BAALC: variants seen among roughly 807,000 people sequenced by gnomAD.
BAALC encodes the protein BAALC binder of MAP3K1 and KLF4, also known as brain and acute leukemia cytoplasmic protein.
Under a neutral mutation model 15.5 loss-of-function variants are expected in BAALC, and 9 were observed. The ratio of observed to expected loss-of-function variants is 0.58; its 90% CI spans 0.35 to 1.02. BAALC has a LOEUF of 1.02. BAALC is among the 50% of genes least tolerant of loss of function. The probability of loss-of-function intolerance (pLI) is 0.02; values close to 1 mark genes in which losing one functional copy is unlikely to be tolerated. For synonymous variants in BAALC, 80 were observed against 74.6 expected, an observed-to-expected ratio of 1.07 and a Z score of -0.37; for missense variants, 201 against 192.4, an observed-to-expected ratio of 1.04 and a Z score of -0.27.
Position 103,213,075 on chromosome 8 carries a change from A to G in BAALC, c.317A>G (p.Gln106Arg), listed in dbSNP as rs765066070. 14 of 1,613,834 alleles carry G rather than the reference A, an allele frequency of 8.7e-6. No individual in the cohort carries two copies. The highest frequency in any genetic ancestry group is 1.6e-4 in the Middle Eastern group (1 of 6,078). ...GPLTQKQNGL[Q>R]TTEAKRDAKR... ...CTGACCCAGAAACAGAATGGCCTTCAGACCACAGAGGTAGGGTTGCAGCCA... is the reference window on the plus strand; with the variant it reads ...CTGACCCAGAAACAGAATGGCCTTCGGACCACAGAGGTAGGGTTGCAGCCA... Residue 106 changes from glutamine to arginine, a missense_variant, in exon 2 of 3, where the codon CAG becomes CGG. Gln to Arg is a conservative substitution (Grantham distance 43, BLOSUM62 1). Transcript: ENST00000309982.
At chr8:103,160,678 T>C (rs1438440277) in intron 1 of BAALC, among the ~76,000 whole-genome samples, 1 of 152,132 alleles carries the variant, frequency 6.6e-6, no homozygotes, top group African/African-American at 2.4e-5. Flanking sequence ...ACTTACATGA[T>C]CACAAGGTCC....
chr8:103,207,928 A>G (rs1171742050), intron 1 of BAALC, among the ~76,000 whole-genome samples: 2 of 152,254 alleles, frequency 1.3e-5, no homozygotes, highest in Non-Finnish European at 2.9e-5. Flanking sequence ...TTACAGATAG[A>G]AGTAACAGAA....
chr8:103,161,921 T>C (rs1811233519), intron 1 of BAALC, among the ~76,000 whole-genome samples: 1 of 151,720 alleles, frequency 6.6e-6, no homozygotes, highest in Admixed American at 6.6e-5. Flanking sequence ...CTGCCCTATA[T>C]ACAATCTGTT....
intron 1 of BAALC, among the ~76,000 whole-genome samples, chr8:103,168,877 A>G (rs1404960901): frequency 6.6e-6 from 1 of 151,988 alleles, no homozygotes; most frequent in Non-Finnish European, 1.5e-5. Flanking sequence ...TTGAAACTTT[A>G]CTTTTCAAAA....
chr8:103,168,290 T>C (rs1245695982), intron 1 of BAALC, among the ~76,000 whole-genome samples: 1 of 152,218 alleles, frequency 6.6e-6, no homozygotes, highest in Non-Finnish European at 1.5e-5. Flanking sequence ...TCTTTCTTGA[T>C]GTTTCGGTCT....
intron 1 of BAALC, among the ~76,000 whole-genome samples, chr8:103,158,629 G>A (rs1276583173): frequency 1.3e-5 from 2 of 152,034 alleles, no homozygotes; most frequent in Non-Finnish European, 2.9e-5. Flanking sequence ...GTAACTAACA[G>A]GCCAATGGTG....
chr8:103,184,104 T>C (rs1193494173), intron 1 of BAALC, among the ~76,000 whole-genome samples: 1 of 152,208 alleles, frequency 6.6e-6, no homozygotes, highest in Non-Finnish European at 1.5e-5. Context: ...ACTAGCAACA[T>C]TGCATCTCTC....
At chr8:103,162,134 A>AT (rs1236300871) in intron 1 of BAALC, among the ~76,000 whole-genome samples, 1 of 151,350 alleles carries the variant, frequency 6.6e-6, no homozygotes, top group African/African-American at 2.4e-5. Context: ...AATTAAAAAC[A>AT]TTTTTTTCAT....
intron 1 of BAALC, among the ~76,000 whole-genome samples, chr8:103,188,435 G>A (rs6980795): frequency 0.14 from 21,970 of 152,186 alleles, 1,702 homozygotes; most frequent in African/African-American, 0.19. Flanking sequence ...AAAGGATAAG[G>A]GACGTTGAGG....
chr8:103,172,391 C>CTTTTTTT (rs36037103), intron 1 of BAALC, among the ~76,000 whole-genome samples: 1 of 100,142 alleles, frequency 1.0e-5, no homozygotes, highest in Non-Finnish European at 2.0e-5. Context: ...TTCTGGCTTG[C>CTTTTTTT]TTTTTTTTTT....
intron 2 of BAALC, among the ~76,000 whole-genome samples, chr8:103,221,467 T>C (rs1337512937): frequency 1.3e-5 from 2 of 151,802 alleles, no homozygotes; most frequent in Non-Finnish European, 2.9e-5. Context: ...GGCCATACTT[T>C]TTTTTTTTTA....
intron 1 of BAALC, among the ~76,000 whole-genome samples, chr8:103,205,564 A>T (rs1812309702): frequency 6.6e-6 from 1 of 152,158 alleles, no homozygotes; most frequent in Non-Finnish European, 1.5e-5. Flanking sequence ...AGATCTATAT[A>T]TATCTATAAT....
At chr8:103,199,090 T>C (rs6992681) in intron 1 of BAALC, among the ~76,000 whole-genome samples, 11,003 of 152,312 alleles carry the variant, frequency 0.072, 458 homozygotes, top group Middle Eastern at 0.2. Context: ...TATTTTTCAT[T>C]ATTACAGTGG....
rs918630831 is a variant in BAALC at position 103,229,060 on chromosome 8, A to G, written c.*961A>G. 6.6e-6 allele frequency: 1 copy of G among 152,308 alleles called. No individual in the cohort carries two copies. The highest frequency in any genetic ancestry group is 1.5e-5 in the Non-Finnish European group (1 of 68,126). The allele number at this position is 152,308 out of a possible 1,614,324, so 9.4% of individuals were successfully genotyped here. The stretch of plus-strand genomic sequence containing the variant: ...CTCTGTACACTGCCCCAGGACTGTC[A>G]TTTTGGCATCTGCAAAGGAATCACT... On this transcript the variant is annotated 3_prime_UTR_variant, in exon 3 of 3. Transcript: ENST00000309982.
At chr8:103,148,365 C>A (rs1255797331) in intron 1 of BAALC, among the ~76,000 whole-genome samples, 1 of 152,178 alleles carries the variant, frequency 6.6e-6, no homozygotes, top group Non-Finnish European at 1.5e-5. Context: ...AAGGAACCAA[C>A]CCTGCTGATA....
chr8:103,227,304 GTTAAGC>G (rs1812827636), intron 2 of BAALC, among the ~76,000 whole-genome samples: 1 of 152,220 alleles, frequency 6.6e-6, no homozygotes, highest in African/African-American at 2.4e-5. Flanking sequence ...GAAAGGGAAA[GTTAAGC>G]TTAGGAGCTA....
At chr8:103,145,652 A>C (rs181704773) in intron 1 of BAALC, among the ~76,000 whole-genome samples, 1 of 152,374 alleles carries the variant, frequency 6.6e-6, no homozygotes, top group East Asian at 1.9e-4. Context: ...GAAGACTCAC[A>C]TTAAGCTTAT....
At position 103,140,990 on chromosome 8, in the gene BAALC, C is replaced by A. The variant is rs1382686400; in HGVS notation, c.93C>A (p.Thr31=). ...RETESTWLTY[T]DSDAPPSAAA... ...CAGAATCCACCTGGCTCACCTACACCGACTCGGACGCGCCGCCCAGCGCCG... is the reference window on the plus strand; with the variant it reads ...CAGAATCCACCTGGCTCACCTACACAGACTCGGACGCGCCGCCCAGCGCCG... Residue 31 remains threonine, a synonymous_variant, in exon 1 of 3, where the codon ACC becomes ACA. Coordinates refer to ENST00000309982, the MANE Select transcript of BAALC (RefSeq NM_024812.3). The surrounding 1 kb of genome is among the most constrained non-coding windows in gnomAD (Gnocchi z 4.2). The A allele has an allele frequency of 6.5e-7, 1 of 1,532,344 alleles. No homozygotes were observed. The allele number at this position is 1,532,344 out of a possible 1,614,324, so 94.9% of individuals were successfully genotyped here. A position where few individuals can be genotyped will look rare whatever the true frequency, so the allele number is the denominator to read the frequency against.
chr8:103,163,070 C>T (rs1811264546), intron 1 of BAALC, among the ~76,000 whole-genome samples: 1 of 152,154 alleles, frequency 6.6e-6, no homozygotes. Flanking sequence ...ATGTCCCTTT[C>T]TGCAGCTTTC....
Sources: gnomAD v4.1 joint callset for allele counts (sites outside exome capture counted in the v4.1 genomes callset) on GRCh38, gnomAD v4.1.1 for gene constraint, Gnocchi (gnomAD v3.1) non-coding constraint, MANE v1.5 for transcripts, NCBI Gene and HGNC (gene_info 2026-07-23, HGNC 2026-07-21) for gene names.